SGCZ: variants seen among roughly 807,000 people sequenced by gnomAD.
SGCZ encodes zeta-sarcoglycan.
In SGCZ, 40 loss-of-function variants were observed where a neutral mutation model predicts 41.3. The observed-to-expected ratio is 0.97, with a 90% CI of 0.75 to 1.26. SGCZ has a LOEUF of 1.26. SGCZ is among the 50% of genes most tolerant of loss of function. The probability of loss-of-function intolerance (pLI) is 0.00; values close to 1 mark genes in which losing one functional copy is unlikely to be tolerated. For missense variants in SGCZ, 552 were observed against 369.8 expected (o/e 1.49, Z -4.04); for synonymous variants, 206 against 137.5 (o/e 1.50, Z -3.49).
intron 1 of SGCZ, among the ~76,000 whole-genome samples, chr8:15,049,254 G>C (rs973849792): frequency 9.9e-5 from 15 of 152,130 alleles, no homozygotes; most frequent in African/African-American, 2.4e-5. Flanking sequence ...AAACGGCATA[G>C]GGATGAGCAT....
At chr8:14,331,592 G>T (rs951947245) in intron 2 of SGCZ, among the ~76,000 whole-genome samples, 2 of 152,024 alleles carry the variant, frequency 1.3e-5, no homozygotes, top group African/African-American at 4.8e-5. Flanking sequence ...CTAGGAATTT[G>T]ACCTCTAATT....
chr8:14,463,575 G>C (rs1161456425), intron 2 of SGCZ, among the ~76,000 whole-genome samples: 2 of 151,454 alleles, frequency 1.3e-5, no homozygotes, highest in Admixed American at 1.3e-4. Context: ...CATGACACTG[G>C]ATTTGGTAAT....
At chr8:14,715,860 A>T (rs1437522358) in intron 1 of SGCZ, among the ~76,000 whole-genome samples, 1 of 152,138 alleles carries the variant, frequency 6.6e-6, no homozygotes, top group Non-Finnish European at 1.5e-5. Context: ...CCCAAAACAC[A>T]TCAGGAAACA....
chr8:14,163,123 A>C (rs1804096979), intron 5 of SGCZ, among the ~76,000 whole-genome samples: 2 of 152,124 alleles, frequency 1.3e-5, no homozygotes, highest in South Asian at 4.1e-4. Context: ...TCTGTCTCCC[A>C]AAGTGCTGGG....
intron 1 of SGCZ, among the ~76,000 whole-genome samples, chr8:14,907,716 G>A (rs1563354718): frequency 6.6e-6 from 1 of 152,070 alleles, no homozygotes; most frequent in Non-Finnish European, 1.5e-5. Context: ...GCGTCCATTA[G>A]GGTTGTCTTC....
At chr8:14,393,246 T>G (rs927839260) in intron 2 of SGCZ, among the ~76,000 whole-genome samples, 1 of 152,110 alleles carries the variant, frequency 6.6e-6, no homozygotes, top group Non-Finnish European at 1.5e-5. Context: ...GCTTTTCTCT[T>G]TAATGAAAAC....
intron 1 of SGCZ, among the ~76,000 whole-genome samples, chr8:14,590,766 T>A: frequency 6.8e-6 from 1 of 148,084 alleles, no homozygotes; most frequent in Non-Finnish European, 1.5e-5. Context: ...TAGTATATAC[T>A]ATATATAATA....
Position 14,332,367 on chromosome 8 carries a change from G to C in SGCZ, c.235-8163C>G, listed in dbSNP as rs1478261865. On this transcript the variant is annotated intron_variant, in intron 2 of 7. Coordinates refer to ENST00000382080, the MANE Select transcript of SGCZ (RefSeq NM_139167.4). ...GGGGCAGGAGAATGGTGTGAACCCG[G>C]GAGGCGGAGCTTGCGGTGAGCCGAG... Among the ~76,000 whole-genome samples the C allele has an allele frequency of 2.6e-5, 4 of 152,112 alleles. No individual in the cohort carries two copies. The East Asian group carries it at 7.7e-4, about 29-fold the overall frequency.
intron 1 of SGCZ, among the ~76,000 whole-genome samples, chr8:14,939,047 G>A (rs1800179347): frequency 6.6e-6 from 1 of 152,070 alleles, no homozygotes; most frequent in Non-Finnish European, 1.5e-5. Flanking sequence ...GTAGTCAGAG[G>A]CAGAGCCAGC....
chr8:14,609,660 G>T lies in SGCZ; in HGVS notation c.40-54734C>A, dbSNP rs563431998. Among the ~76,000 whole-genome samples the T allele has an allele frequency of 8.9e-4, 136 of 152,302 alleles. 1 individual carries two copies. Among genetic ancestry groups the T allele is most frequent in the Non-Finnish European group, 2.4e-4 (16 of 68,012 alleles). ...CATTCTAAAAGCTGGAGGGGACCAAGGGAGAGGGAAGGAGATGCCAGGCTC... is the reference window on the plus strand; with the variant it reads ...CATTCTAAAAGCTGGAGGGGACCAATGGAGAGGGAAGGAGATGCCAGGCTC... On this transcript the variant is annotated intron_variant, in intron 1 of 7. Transcript: ENST00000382080.
Position 15,164,034 on chromosome 8 carries a change from G to A in SGCZ, c.39+73551C>T, listed in dbSNP as rs1035517553. ...GGCCGCCGGGAAGCGCTCTAGCAGG[G>A]ACTCTGACCTAGCGAGGGTTCCTGT... On this transcript the variant is annotated intron_variant, in intron 1 of 7. Coordinates refer to ENST00000382080, the MANE Select transcript of SGCZ (RefSeq NM_139167.4). Among the ~76,000 whole-genome samples, 3 of 152,202 alleles carry A rather than the reference G, an allele frequency of 2.0e-5. No homozygotes were observed. The South Asian group carries it at 6.2e-4, about 31-fold the overall frequency.
chr8:14,566,268 A>C (rs1006797369), intron 1 of SGCZ, among the ~76,000 whole-genome samples: 6 of 152,254 alleles, frequency 3.9e-5, no homozygotes, highest in African/African-American at 1.4e-4. Flanking sequence ...GAAAAAAGAT[A>C]AGCCCGAATA....
chr8:14,868,849 T>C (rs148791929), intron 1 of SGCZ, among the ~76,000 whole-genome samples: 3,614 of 152,068 alleles, frequency 0.024, 145 homozygotes, highest in African/African-American at 0.083. Flanking sequence ...AAGAAATGGA[T>C]AAATTCCTGG....
rs565858584 is a variant in SGCZ at position 14,499,263 on chromosome 8, C to G, written c.234+55469G>C. Among the ~76,000 whole-genome samples the G allele has an allele frequency of 3.3e-5, 5 of 152,020 alleles. No individual in the cohort carries two copies. The South Asian group carries it at 1.0e-3, about 31-fold the overall frequency. ...TCATATTTGTGAATTGGGTAAATTT[C>G]TTTTCAAAACTATTACATTTTCTTA... On this transcript the variant is annotated intron_variant, in intron 2 of 7. Coordinates refer to ENST00000382080, the MANE Select transcript of SGCZ (RefSeq NM_139167.4).
chr8:14,451,700 C>T (rs756974933), intron 2 of SGCZ, among the ~76,000 whole-genome samples: 1 of 152,178 alleles, frequency 6.6e-6, no homozygotes, highest in Non-Finnish European at 1.5e-5. Context: ...ATACACATTG[C>T]ACACTGCATG....
intron 1 of SGCZ, among the ~76,000 whole-genome samples, chr8:14,713,885 C>G (rs994779383): frequency 6.6e-6 from 1 of 152,066 alleles, no homozygotes; most frequent in Non-Finnish European, 1.5e-5. Flanking sequence ...AAGCTAATCA[C>G]CTTAACTTAC....
At chr8:14,506,166 T>C (rs1802299756) in intron 2 of SGCZ, among the ~76,000 whole-genome samples, 1 of 151,496 alleles carries the variant, frequency 6.6e-6, no homozygotes, top group Admixed American at 6.6e-5. Flanking sequence ...TGAAACCCTG[T>C]GTCTACTAAA....
intron 3 of SGCZ, among the ~76,000 whole-genome samples, chr8:14,252,855 C>G (rs1799331154): frequency 6.6e-6 from 1 of 152,260 alleles, no homozygotes; most frequent in East Asian, 1.9e-4. Flanking sequence ...TTTTTCAACT[C>G]CCTGTTTCTG....
intron 2 of SGCZ, among the ~76,000 whole-genome samples, chr8:14,353,627 G>C (rs954466852): frequency 1.3e-5 from 2 of 151,912 alleles, no homozygotes; most frequent in East Asian, 3.9e-4. Flanking sequence ...TTTCTTCTAC[G>C]TTCTTATCAT....
Sources: allele counts gnomAD v4.1 joint callset (sites outside exome capture counted in the v4.1 genomes callset), GRCh38; gene constraint gnomAD v4.1.1; transcripts MANE v1.5; gene names NCBI Gene and HGNC (gene_info 2026-07-23, HGNC 2026-07-21).